NEXMIF: variants seen among roughly 807,000 people sequenced by gnomAD.
NEXMIF encodes XLMR protein related to neurite extension.
Under a neutral mutation model 62.1 loss-of-function variants are expected in NEXMIF, and 8 were observed. The ratio of observed to expected loss-of-function variants is 0.13; its 90% CI spans 0.08 to 0.23. The LOEUF is 0.23. Among genes scored for constraint, NEXMIF ranks in the 10% least tolerant of loss-of-function variants. The probability of loss-of-function intolerance (pLI) is 1.00; values close to 1 mark genes in which losing one functional copy is unlikely to be tolerated. For missense variants in NEXMIF, 976 were observed against 1,113.3 expected (o/e 0.88, Z 1.75); for synonymous variants, 404 against 416.6 (o/e 0.97, Z 0.37).
At chrX:74,801,171 GAAT>G (rs751035801) in intron 1 of NEXMIF, among the ~76,000 whole-genome samples, 5 of 111,730 alleles carry the variant, frequency 4.5e-5, no homozygotes, top group African/African-American at 6.5e-5. Context: ...TTTCAGTGCT[GAAT>G]AATATTTCAT....
At chrX:74,837,555 C>T (rs1448020463) in intron 1 of NEXMIF, among the ~76,000 whole-genome samples, 1 of 112,211 alleles carries the variant, frequency 8.9e-6, no homozygotes, top group Non-Finnish European at 1.9e-5. Flanking sequence ...TTCAGCCCCT[C>T]CAACAGAAGA....
chrX:74,817,547 T>A (rs2080380001), intron 1 of NEXMIF, among the ~76,000 whole-genome samples: 1 of 112,362 alleles, frequency 8.9e-6, no homozygotes, highest in Non-Finnish European at 1.9e-5. Context: ...TAGTGAATAC[T>A]ACCATCCTTG....
chrX:74,861,253 A>G (rs2080556537), intron 1 of NEXMIF, among the ~76,000 whole-genome samples: 1 of 111,934 alleles, frequency 8.9e-6, no homozygotes, highest in Non-Finnish European at 1.9e-5. Flanking sequence ...CAGAGCTTGA[A>G]GACTATCTTG....
rs1009127060 is a variant in NEXMIF, at chrX:74,740,863, T to C, written c.3694A>G (p.Ile1232Val). ...STKKGKYMAA[I>V]NGEKMQIGIG... ...CCAATTTGCATTTTCTCTCCATTGA[T>C]GGCAGCCATGTATTTCCCTTTCTTT... is the stretch of plus-strand genomic sequence containing the variant. Residue 1232 changes from isoleucine to valine, a missense_variant, in exon 3 of 4, where the codon ATC (isoleucine) becomes GTC (valine). Ile to Val is a conservative substitution (Grantham distance 29, BLOSUM62 3). Around this residue, in one of 5 missense-constraint regions of NEXMIF, gnomAD observed 639 missense variants for 694.5 expected, o/e 0.92. Transcript: ENST00000055682. 1 of 1,210,877 alleles carries C rather than the reference T, an allele frequency of 8.3e-7. No homozygotes were observed. The highest frequency in any genetic ancestry group is 1.1e-6 in the Non-Finnish European group (1 of 895,411).
chrX:74,738,928 T>C lies in NEXMIF; in HGVS notation c.*477A>G, dbSNP rs763716441. 9.1e-6 allele frequency: 1 copy of C among 110,283 alleles called. No individual in the cohort carries two copies. The highest frequency in any genetic ancestry group is 3.3e-5 in the African/African-American group (1 of 30,020). 9.1% of individuals were successfully genotyped at this position (110,283 alleles called of 1,213,427 possible). A position where few individuals can be genotyped will look rare whatever the true frequency, so the allele number is the denominator to read the frequency against. Reference sequence around the variant, plus strand: ...TGTGTATATATCCATTTAAAAATAATTAATGAGCTTTAAACTGTGGGTGAA... The same window carrying C: ...TGTGTATATATCCATTTAAAAATAACTAATGAGCTTTAAACTGTGGGTGAA... On this transcript the variant is annotated 3_prime_UTR_variant, in exon 4 of 4. Transcript: ENST00000055682.
intron 1 of NEXMIF, among the ~76,000 whole-genome samples, chrX:74,901,982 C>T (rs1013178260): frequency 5.4e-5 from 6 of 110,881 alleles, no homozygotes; most frequent in African/African-American, 2.0e-4. Context: ...TCAGAAATGT[C>T]GTAGGGGAAA....
At position 74,855,049 on chromosome X, in the gene NEXMIF, C is replaced by A. The variant is rs1422803097; in HGVS notation, c.-48+69834G>T. On this transcript the variant is annotated intron_variant, in intron 1 of 3. Transcript: ENST00000055682. Reference sequence around the variant, plus strand: ...ATCAAAATATCAATGTCATTTTTCACAGAAATGGAAAAAAAACCCTAAAAT... The same window carrying A: ...ATCAAAATATCAATGTCATTTTTCAAAGAAATGGAAAAAAAACCCTAAAAT... Among the ~76,000 whole-genome samples, 8 of 111,042 alleles carry A rather than the reference C, an allele frequency of 7.2e-5. No individual in the cohort carries two copies. The Admixed American group carries it at 7.7e-4, about 11-fold the overall frequency.
chrX:74,883,529 T>A (rs1230936566), intron 1 of NEXMIF, among the ~76,000 whole-genome samples: 1 of 111,496 alleles, frequency 9.0e-6, no homozygotes, highest in Non-Finnish European at 1.9e-5. Context: ...TGCAATCAAC[T>A]GAAAGAAAGG....
At chrX:74,873,489 C>A (rs762856818) in intron 1 of NEXMIF, among the ~76,000 whole-genome samples, 1 of 111,959 alleles carries the variant, frequency 8.9e-6, no homozygotes, top group African/African-American at 3.2e-5. Flanking sequence ...GATTTAAAGT[C>A]CTTTGGGTAT....
chrX:74,875,309 T>C (rs1486351705), intron 1 of NEXMIF, among the ~76,000 whole-genome samples: 2 of 111,870 alleles, frequency 1.8e-5, no homozygotes, highest in East Asian at 5.6e-4. Context: ...TTGATTTGCG[T>C]ATATTGAACC....
At chrX:74,803,030 A>G (rs1027377166) in intron 1 of NEXMIF, among the ~76,000 whole-genome samples, 5 of 110,770 alleles carry the variant, frequency 4.5e-5, no homozygotes, top group African/African-American at 1.6e-4. Context: ...GACAAAAGAA[A>G]AAAGAATGAA....
intron 1 of NEXMIF, among the ~76,000 whole-genome samples, chrX:74,812,473 C>A (rs1209920398): frequency 9.0e-6 from 1 of 111,557 alleles, no homozygotes; most frequent in Non-Finnish European, 1.9e-5. Context: ...ATTTTATATT[C>A]TTTCTGACAA....
intron 1 of NEXMIF, among the ~76,000 whole-genome samples, chrX:74,796,194 A>G (rs2080308342): frequency 1.4e-5 from 1 of 69,793 alleles, no homozygotes; most frequent in South Asian, 5.8e-4. Flanking sequence ...TATATATTAT[A>G]TATATACATA....
In NEXMIF at chrX:74,743,377, C is replaced by T. The variant is rs2080114119; in HGVS notation, c.1180G>A (p.Gly394Ser). Residue 394 changes from glycine (G) to serine (S), a missense_variant, in exon 3 of 4, where the codon GGT (glycine) becomes AGT (serine). This residue lies in a region of NEXMIF where 639 missense variants were observed against 694.5 expected (regional missense o/e 0.92). Transcript: ENST00000055682. ...KGKEEGQEDKGVEKKDGKDNG... is the reference protein window; with the variant it reads ...KGKEEGQEDKSVEKKDGKDNG... ...TCCTTTCCATCTTTCTTCTCTACAC[C>T]TTTGTCTTCCTGTCCTTCCTCTTTG... The T allele has an allele frequency of 5.0e-6, 6 of 1,211,307 alleles. No homozygotes were observed. The East Asian group carries it at 1.8e-4, about 36-fold the overall frequency.
intron 1 of NEXMIF, among the ~76,000 whole-genome samples, chrX:74,895,804 G>A: frequency 9.3e-6 from 1 of 107,657 alleles, no homozygotes; most frequent in Non-Finnish European, 1.9e-5. Context: ...TAGGGGGTAG[G>A]GGTGTGAAGC....
chrX:74,804,976 G>T (rs1205271680), intron 1 of NEXMIF, among the ~76,000 whole-genome samples: 1 of 112,113 alleles, frequency 8.9e-6, no homozygotes, highest in Non-Finnish European at 1.9e-5. Context: ...CCCTCTGTGG[G>T]TGGGAATCAG....
At chrX:74,833,600 AT>A (rs2080446226) in intron 1 of NEXMIF, among the ~76,000 whole-genome samples, 1 of 110,991 alleles carries the variant, frequency 9.0e-6, no homozygotes, top group South Asian at 3.8e-4. Context: ...ATAAGTAGTG[AT>A]TTATTTCTGT....
intron 1 of NEXMIF, among the ~76,000 whole-genome samples, chrX:74,776,611 C>T (rs1389288974): frequency 2.8e-5 from 3 of 107,593 alleles, no homozygotes; most frequent in Non-Finnish European, 5.8e-5. Flanking sequence ...CCTGTAATCT[C>T]AGCTACTTGG....
intron 1 of NEXMIF, among the ~76,000 whole-genome samples, chrX:74,760,892 G>T (rs1218148268): frequency 9.3e-6 from 1 of 107,538 alleles, no homozygotes; most frequent in Non-Finnish European, 1.9e-5. Flanking sequence ...ATTTAAGATG[G>T]AGTCTCACTC....
Sources: allele counts gnomAD v4.1 joint callset (sites outside exome capture counted in the v4.1 genomes callset), GRCh38; gene constraint gnomAD v4.1.1; regional missense constraint gnomAD v4.1.1; transcripts MANE v1.5; gene names NCBI Gene and HGNC (gene_info 2026-07-23, HGNC 2026-07-21).